Variants in CCDC18 observed in about 807,000 individuals in gnomAD.
CCDC18 encodes coiled-coil domain containing 18.
Under a neutral mutation model 196.0 loss-of-function variants are expected in CCDC18, and 157 were observed. That is an observed-to-expected ratio of 0.80 (90% CI 0.70 to 0.91). CCDC18 has a LOEUF of 0.91. Among genes scored for constraint, CCDC18 ranks in the 40% least tolerant of loss-of-function variants. CCDC18 has a pLI of 0.00. For missense variants in CCDC18, 1,465 were observed against 1,611.6 expected (o/e 0.91, Z 1.56); for synonymous variants, 482 against 529.2 (o/e 0.91, Z 1.22).
chr1:93,235,880 T>TCCACATA (rs1346056253), intron 18 of CCDC18, among the ~76,000 whole-genome samples: 1 of 152,108 alleles, frequency 6.6e-6, no homozygotes, highest in Non-Finnish European at 1.5e-5. Flanking sequence ...AATTAGCATT[T>TCCACATA]GAGGTCATGT....
At chr1:93,259,496 C>G (rs547866) in intron 26 of CCDC18, among the ~76,000 whole-genome samples, 1 of 151,966 alleles carries the variant, frequency 6.6e-6, no homozygotes, top group African/African-American at 2.4e-5. Flanking sequence ...AAATTACTTA[C>G]GTTTAGTGCT....
At position 93,250,378 on chromosome 1, in the gene CCDC18, C is replaced by CAA. The variant is rs71094242; in HGVS notation, c.3198+3442_3198+3443dup. ...CCTGGGCATCAGAGTGAGACCCTGT[C>CAA]AAAAAAAAAAAAAAAAAAAGAAAAG... On this transcript the variant is annotated intron_variant, in intron 23 of 28. Coordinates refer to ENST00000690025, the MANE Select transcript of CCDC18 (RefSeq NM_001378204.1). Among the ~76,000 whole-genome samples, 157 of 89,292 alleles carry CAA rather than the reference C, an allele frequency of 1.8e-3. 4 individuals are homozygous for CAA. Among genetic ancestry groups the CAA allele is most frequent in the African/African-American group, 2.2e-3 (59 of 26,750 alleles). The allele number at this position is 89,292 out of a possible 152,430, so 58.6% of individuals were successfully genotyped here.
chr1:93,186,508 G>A lies in CCDC18; in HGVS notation c.462+5G>A, dbSNP rs1240262677. 1.9e-6 allele frequency: 3 copies of A among 1,577,118 alleles called. No homozygotes were observed. The highest frequency in any genetic ancestry group is 1.7e-6 in the Non-Finnish European group (2 of 1,162,052). On this transcript the variant is annotated splice_donor_5th_base_variant and intron_variant, in intron 4 of 28. Coordinates refer to ENST00000690025, the MANE Select transcript of CCDC18 (RefSeq NM_001378204.1). Reference sequence around the variant, plus strand: ...TTAACACAGTCAAGAGCAAAAGTATGTATCTTGAAATAAGTTTGCCAACAG... The same window carrying A: ...TTAACACAGTCAAGAGCAAAAGTATATATCTTGAAATAAGTTTGCCAACAG...
intron 5 of CCDC18, among the ~76,000 whole-genome samples, chr1:93,193,220 T>C (rs937480437): frequency 6.6e-6 from 1 of 152,168 alleles, no homozygotes; most frequent in African/African-American, 2.4e-5. Context: ...AAAAAAAATT[T>C]TGTCTTTCCT....
intron 26 of CCDC18, among the ~76,000 whole-genome samples, chr1:93,260,155 A>T (rs922298360): frequency 1.3e-5 from 2 of 152,180 alleles, no homozygotes; most frequent in African/African-American, 4.8e-5. Flanking sequence ...AGGCCAAGGC[A>T]GGTGGATCTC....
At chr1:93,199,002 A>C (rs1431770840) in intron 6 of CCDC18, among the ~76,000 whole-genome samples, 1 of 152,234 alleles carries the variant, frequency 6.6e-6, no homozygotes, top group Non-Finnish European at 1.5e-5. Flanking sequence ...ATGGTAAGAT[A>C]CAGACACAGG....
chr1:93,217,926 C>T, intron 14 of CCDC18, 57 bp downstream of exon 14: 1 of 1,389,582 alleles, frequency 7.2e-7, no homozygotes, highest in South Asian at 1.3e-5. Context: ...CATTACTAGC[C>T]CCAGCATTTT....
chr1:93,272,387 T>C (rs1665347598), intron 28 of CCDC18, among the ~76,000 whole-genome samples: 1 of 152,222 alleles, frequency 6.6e-6, no homozygotes, highest in African/African-American at 2.4e-5. Context: ...AAATGCTAGA[T>C]TTCATCAGGC....
At chr1:93,271,151 G>A (rs1367677003) in intron 28 of CCDC18, 5 of 985,172 alleles carry the variant, frequency 5.1e-6, no homozygotes, top group Non-Finnish European at 4.8e-6. Flanking sequence ...TCCAGAGAAA[G>A]TAGGTTCTGA....
intron 3 of CCDC18, among the ~76,000 whole-genome samples, chr1:93,184,584 G>A (rs566776376): frequency 1.2e-4 from 18 of 144,742 alleles, no homozygotes; most frequent in African/African-American, 4.4e-4. Flanking sequence ...AATGATGTTA[G>A]AGATCTTTGC....
At chr1:93,227,174 C>CTTTTTTTTTT (rs36053002) in intron 17 of CCDC18, among the ~76,000 whole-genome samples, 1 of 103,698 alleles carries the variant, frequency 9.6e-6, no homozygotes, top group Admixed American at 1.0e-4. Context: ...CATTGGAAAC[C>CTTTTTTTTTT]TTTTTTTTTT....
At chr1:93,185,955 C>T (rs1255186038) in intron 3 of CCDC18, among the ~76,000 whole-genome samples, 1 of 151,770 alleles carries the variant, frequency 6.6e-6, no homozygotes, top group East Asian at 1.9e-4. Context: ...TGGTGGTGGA[C>T]ATTTGGGTTC....
At chr1:93,256,591 A>T in intron 25 of CCDC18, 53 bp downstream of exon 25, 2 of 1,426,680 alleles carry the variant, frequency 1.4e-6, no homozygotes, top group Non-Finnish European at 2.0e-6. Flanking sequence ...AAATATTAGC[A>T]TTTTTTTTGA....
At chr1:93,227,334 ATT>A (rs1159846377) in intron 17 of CCDC18, among the ~76,000 whole-genome samples, 2 of 137,660 alleles carry the variant, frequency 1.5e-5, no homozygotes. Context: ...AATTTTTTGT[ATT>A]TTTTTTTTTT....
At chr1:93,185,464 G>A (rs61799469) in intron 3 of CCDC18, among the ~76,000 whole-genome samples, 1 of 151,930 alleles carries the variant, frequency 6.6e-6, no homozygotes, top group East Asian at 1.9e-4. Flanking sequence ...TAGGGGGTTA[G>A]TTGAATAAAC....
At chr1:93,186,273 A>G (rs576296136) in intron 3 of CCDC18, 72 bp from the exon 4 acceptor site, 1 of 1,388,552 alleles carries the variant, frequency 7.2e-7, no homozygotes, top group Admixed American at 2.1e-5. Context: ...ATTGCTCATA[A>G]TTTTCCATTA....
At chr1:93,221,371 C>T (rs943400414) in intron 14 of CCDC18, among the ~76,000 whole-genome samples, 12 of 152,082 alleles carry the variant, frequency 7.9e-5, no homozygotes, top group Admixed American at 2.6e-4. Flanking sequence ...ATTTCTTGAG[C>T]GATCAGCAAT....
chr1:93,198,039 C>A (rs925581383), intron 6 of CCDC18, among the ~76,000 whole-genome samples: 4 of 151,918 alleles, frequency 2.6e-5, no homozygotes, highest in Admixed American at 1.3e-4. Context: ...GTGTGAGCCA[C>A]CGCGCCCGGC....
chr1:93,275,797 CACTTG>C (rs942039996), intron 28 of CCDC18, among the ~76,000 whole-genome samples: 9 of 152,358 alleles, frequency 5.9e-5, no homozygotes, highest in Middle Eastern at 3.4e-3. Context: ...TTCACTGCCA[CACTTG>C]ACTTTAGTAG....
Sources: allele counts gnomAD v4.1 joint callset (sites outside exome capture counted in the v4.1 genomes callset), GRCh38; gene constraint gnomAD v4.1.1; transcripts MANE v1.5; gene names NCBI Gene and HGNC (gene_info 2026-07-23, HGNC 2026-07-21).